DSP: variants seen among roughly 807,000 people sequenced by gnomAD.
DSP encodes the protein 250/210 kDa paraneoplastic pemphigus antigen.
Under a neutral mutation model 290.6 loss-of-function variants are expected in DSP, and 114 were observed. The ratio of observed to expected loss-of-function variants is 0.39; its 90% CI spans 0.34 to 0.46. The LOEUF (loss-of-function observed/expected upper bound fraction) is 0.46, where lower values mean the gene tolerates loss of function less well. Ranked by LOEUF, DSP falls within the 20% of genes least tolerant of loss-of-function variation. The pLI is 0.99. For missense variants in DSP, 3,230 were observed against 3,495.8 expected, an observed-to-expected ratio of 0.92 and a Z score of 1.92; for synonymous variants, 1,311 against 1,316.4, an observed-to-expected ratio of 1.00 and a Z score of 0.09.
Position 7,581,313 on chromosome 6 carries a change from C to T in DSP, c.5123C>T (p.Ser1708Phe), listed in dbSNP as rs372452104. 44 of 1,614,084 alleles carry T rather than the reference C, an allele frequency of 2.7e-5. No homozygotes were observed. Among genetic ancestry groups the T allele is most frequent in the Non-Finnish European group, 3.4e-5 (40 of 1,180,058 alleles). The change falls in exon 23 of 24, where the codon TCT (serine) becomes TTT (phenylalanine). Residue 1708 changes from serine to phenylalanine, a missense_variant. Physicochemically the swap from Ser to Phe is radical, Grantham distance 155. This residue lies in a region of DSP where 1,714 missense variants were observed against 1,844.5 expected (regional missense o/e 0.93). Coordinates refer to ENST00000379802, the MANE Select transcript of DSP (RefSeq NM_004415.4). ...ESKIEIERLQ[S>F]LTENLTKEHL... Reference sequence around the variant, plus strand: ...AAAATAGAAATTGAGAGGCTGCAGTCTCTCACAGAGAACCTGACCAAGGAG... The same window carrying T: ...AAAATAGAAATTGAGAGGCTGCAGTTTCTCACAGAGAACCTGACCAAGGAG...
intron 19 of DSP, 46 bp downstream of exon 19, chr6:7,576,502 G>C (rs1219812154): frequency 1.9e-6 from 3 of 1,610,206 alleles, no homozygotes; most frequent in Non-Finnish European, 2.5e-6. Context: ...GATTAATTGG[G>C]TGTAATTCAT....
rs573974886 is a variant in DSP, at chr6:7,558,098, G to C, written c.274-18G>C. On this transcript the variant is annotated intron_variant, in intron 2 of 23. Transcript: ENST00000379802. ...CCTGGTAGTATGTGTTTTCCTTCAT[G>C]TGAGTGTTTTCTTTCAGGAATTGAA... The C allele has an allele frequency of 3.1e-6, 5 of 1,614,204 alleles. No individual in the cohort carries two copies. Among genetic ancestry groups the C allele is most frequent in the Admixed American group, 1.7e-5 (1 of 60,030 alleles).
chr6:7,561,097 G>A (rs758632028), intron 4 of DSP, among the ~76,000 whole-genome samples: 2 of 152,016 alleles, frequency 1.3e-5, no homozygotes, highest in South Asian at 2.1e-4. Context: ...GACTACAGGC[G>A]TGTGCCACCA....
In DSP at chr6:7,580,660, C is replaced by G; in HGVS notation, c.4470C>G (p.Ile1490Met). The G allele has an allele frequency of 1.2e-6, 2 of 1,613,912 alleles. No individual in the cohort carries two copies. The highest frequency in any genetic ancestry group is 2.2e-5 in the South Asian group (2 of 91,064). Residue 1490 changes from isoleucine (I) to methionine (M), a missense_variant, in exon 23 of 24, where the codon ATC becomes ATG. Ile to Met is a conservative substitution (Grantham distance 10). This residue lies in a region of DSP where 1,714 missense variants were observed against 1,844.5 expected (regional missense o/e 0.93). Transcript: ENST00000379802. The surrounding 1 kb of genome is among the most constrained non-coding windows in gnomAD (Gnocchi z 4.2). ...AGATAGAAAGGTTAAAACAACTGAT[C>G]GACAAAGAAACAAATGACCGGAAAT... Reference protein sequence around the residue: ...NKEIERLKQLIDKETNDRKCL... With the variant: ...NKEIERLKQLMDKETNDRKCL...
At position 7,585,429 on chromosome 6, in the gene DSP, G is replaced by A; in HGVS notation, c.8167G>A (p.Gly2723Ser). 1 of 1,614,154 alleles carries A rather than the reference G, an allele frequency of 6.2e-7. No individual in the cohort carries two copies. The highest frequency in any genetic ancestry group is 8.5e-7 in the Non-Finnish European group (1 of 1,180,036). Residue 2723 changes from glycine to serine, a missense_variant, in exon 24 of 24, where the codon GGC (glycine) becomes AGC (serine). Transcript: ENST00000379802. ...AGAAAAATGGCTCCCGTATGAGGCT[G>A]GCCAGCGCTTCCTGGAGTTCCAGTA... ...VKEKWLPYEAGQRFLEFQYLT... is the reference protein window; with the variant it reads ...VKEKWLPYEASQRFLEFQYLT...
intron 1 of DSP, among the ~76,000 whole-genome samples, chr6:7,546,778 T>A (rs1261734127): frequency 6.6e-6 from 1 of 152,236 alleles, no homozygotes; most frequent in Non-Finnish European, 1.5e-5. Context: ...AGAGTTTCTA[T>A]CTGCTTAGGA....
In DSP at chr6:7,585,773, T is replaced by C. The variant is rs757475874; in HGVS notation, c.8511T>C (p.Ser2837=). The change falls in exon 24 of 24, where the codon TCT becomes TCC. Residue 2837 remains serine, a synonymous_variant. Transcript: ENST00000379802. ...SGSRSGSRSG[S]RSGSRSGSRR... ...CCCGCTCGGGATCTCGCTCCGGATC[T>C]CGCTCCGGGTCCCGCAGTGGGTCCC... 74 of 1,608,480 alleles carry C rather than the reference T, an allele frequency of 4.6e-5. No homozygotes were observed. Among genetic ancestry groups the C allele is most frequent in the Non-Finnish European group, 6.0e-5 (71 of 1,177,936 alleles).
At position 7,565,422 on chromosome 6, in the gene DSP, A is replaced by G. The variant is rs377715523; in HGVS notation, c.841A>G (p.Arg281Gly). The stretch of plus-strand genomic sequence containing the variant: ...GCAGAACATCATTCAGGCCACGTCC[A>G]GGGAGATCATGTGGATCAATGACTG... ...QLQNIIQATS[R>G]EIMWINDCEE... Residue 281 changes from arginine (R) to glycine (G), a missense_variant, in exon 7 of 24, where the codon AGG (arginine) becomes GGG (glycine). By Grantham distance (125) the Arg-to-Gly change is moderately radical. Transcript: ENST00000379802. The surrounding 1 kb of genome is among the most constrained non-coding windows in gnomAD (Gnocchi z 4.2). 6.2e-7 allele frequency: 1 copy of G among 1,614,052 alleles called. No homozygotes were observed. The highest frequency in any genetic ancestry group is 1.3e-5 in the African/African-American group (1 of 74,912).
In DSP at chr6:7,583,486, G is replaced by A. The variant is rs759000314; in HGVS notation, c.6224G>A (p.Arg2075Gln). 12 of 1,613,974 alleles carry A rather than the reference G, an allele frequency of 7.4e-6. No homozygotes were observed. The highest frequency in any genetic ancestry group is 2.7e-5 in the African/African-American group (2 of 74,872). ...EKLTVDSAIARDLIDFDDRQQ... is the reference protein window; with the variant it reads ...EKLTVDSAIAQDLIDFDDRQQ... ...CTGACTGTCGACAGTGCCATAGCTC[G>A]GGACCTCATTGACTTCGATGACCGT... is the stretch of plus-strand genomic sequence containing the variant. Residue 2075 changes from arginine (R) to glutamine (Q), a missense_variant, in exon 24 of 24, where the codon CGG becomes CAG. Physicochemically the swap from Arg to Gln is conservative, Grantham distance 43 (BLOSUM62 1). Around this residue, in one of 5 missense-constraint regions of DSP, gnomAD observed 1,714 missense variants for 1,844.5 expected, o/e 0.93. Transcript: ENST00000379802. This position sits in a 1 kb window ranked among gnomAD's most constrained non-coding sequence, Gnocchi z 4.0.
rs377507763 is a variant in DSP at position 7,559,324 on chromosome 6, G to A, written c.521G>A (p.Cys174Tyr). 1.2e-6 allele frequency: 2 copies of A among 1,613,860 alleles called. No homozygotes were observed. The highest frequency in any genetic ancestry group is 4.5e-5 in the East Asian group (2 of 44,880). ...TCCAAGGGTGGTGGAGGCTACACTT[G>A]TCAGAGTGGCTCTGGCTGGGATGAG... ...ASSKGGGGYT[C>Y]QSGSGWDEFT... Residue 174 changes from cysteine (C) to tyrosine (Y), a missense_variant, in exon 4 of 24, where the codon TGT (cysteine) becomes TAT (tyrosine). By Grantham distance (194) the Cys-to-Tyr change is radical (BLOSUM62 -2). Transcript: ENST00000379802.
chr6:7,585,504 G>A lies in DSP; in HGVS notation c.8242G>A (p.Glu2748Lys), dbSNP rs1179250325. 4 of 1,614,146 alleles carry A rather than the reference G, an allele frequency of 2.5e-6. No homozygotes were observed. The highest frequency in any genetic ancestry group is 2.2e-5 in the East Asian group (1 of 44,886). Residue 2748 changes from glutamate (E) to lysine (K), a missense_variant, in exon 24 of 24, where the codon GAA becomes AAA. Around this residue, in one of 5 missense-constraint regions of DSP, gnomAD observed 582 missense variants for 555.4 expected, o/e 1.05. Coordinates refer to ENST00000379802, the MANE Select transcript of DSP (RefSeq NM_004415.4). ...DPEVHGRIST[E>K]EAIRKGFIDG... ...GGAAGTGCATGGGAGGATAAGCACCGAAGAAGCCATCCGGAAGGGGTTCAT... is the reference window on the plus strand; with the variant it reads ...GGAAGTGCATGGGAGGATAAGCACCAAAGAAGCCATCCGGAAGGGGTTCAT...
chr6:7,578,408 T>C (rs967522639), intron 21 of DSP, 56 bp from the exon 22 acceptor site: 29 of 1,456,966 alleles, frequency 2.0e-5, no homozygotes, highest in African/African-American at 2.8e-5. Context: ...TCAAATTACA[T>C]AGGACTTTTT....
At chr6:7,577,140 T>C in intron 20 of DSP, 98 bp downstream of exon 20, 1 of 908,986 alleles carries the variant, frequency 1.1e-6, no homozygotes, top group South Asian at 1.8e-5. Flanking sequence ...TTCCTGAGGA[T>C]AGCAATTACG....
intron 11 of DSP, among the ~76,000 whole-genome samples, chr6:7,568,899 T>C (rs1758945683): frequency 6.6e-6 from 1 of 152,230 alleles, no homozygotes; most frequent in Admixed American, 6.5e-5. Context: ...AAATGAGAAA[T>C]GATGCTTTTA....
Position 7,586,095 on chromosome 6 carries a change from C to T in DSP, c.*217C>T, listed in dbSNP as rs1046379269. 5.4e-6 allele frequency: 3 copies of T among 555,842 alleles called. No individual in the cohort carries two copies. The highest frequency in any genetic ancestry group is 6.3e-6 in the Non-Finnish European group (2 of 316,836). The allele number at this position is 555,842 out of a possible 1,614,324, so 34.4% of individuals were successfully genotyped here. On this transcript the variant is annotated 3_prime_UTR_variant, in exon 24 of 24. Transcript: ENST00000379802. ...ATAAGCAGTACACTTGGATGCAGTG[C>T]GTCTGAAGTGCTAATCAGTTGTAAC...
Position 7,585,978 on chromosome 6 carries a change from A to G in DSP, c.*100A>G, listed in dbSNP as rs1056001676. 8.3e-7 allele frequency: 1 copy of G among 1,206,098 alleles called. No individual in the cohort carries two copies. Among genetic ancestry groups the G allele is most frequent in the African/African-American group, 1.5e-5 (1 of 66,664 alleles). 74.7% of individuals were successfully genotyped at this position (1,206,098 alleles called of 1,614,324 possible). Reference sequence around the variant, plus strand: ...AAATCCCGGTGCTTGCAGTAGAGTGATAGGACATTCTATGCTTACAGAAAA... The same window carrying G: ...AAATCCCGGTGCTTGCAGTAGAGTGGTAGGACATTCTATGCTTACAGAAAA... On this transcript the variant is annotated 3_prime_UTR_variant, in exon 24 of 24. Coordinates refer to ENST00000379802, the MANE Select transcript of DSP (RefSeq NM_004415.4).
chr6:7,545,072 T>A (rs1402896632), intron 1 of DSP, among the ~76,000 whole-genome samples: 1 of 152,194 alleles, frequency 6.6e-6, no homozygotes, highest in Non-Finnish European at 1.5e-5. Flanking sequence ...GTTAGATCTT[T>A]CTTTCACCCA....
intron 1 of DSP, among the ~76,000 whole-genome samples, chr6:7,546,994 G>GCTCC (rs1758188090): frequency 6.6e-6 from 1 of 152,172 alleles, no homozygotes; most frequent in Non-Finnish European, 1.5e-5. Context: ...GAGCAAAGGA[G>GCTCC]GGCTTGGGTG....
At position 7,541,897 on chromosome 6, in the gene DSP, C is replaced by G. The variant is rs1346330692; in HGVS notation, c.-19C>G. On this transcript the variant is annotated 5_prime_UTR_variant, in exon 1 of 24. Coordinates refer to ENST00000379802, the MANE Select transcript of DSP (RefSeq NM_004415.4). ...GCTTATGCCTCGGCGCTGAGCCGCT[C>G]TCCCGATTGCCCGCCGACATGAGCT... The G allele has an allele frequency of 1.2e-6, 2 of 1,602,528 alleles. No homozygotes were observed. The highest frequency in any genetic ancestry group is 1.7e-6 in the Non-Finnish European group (2 of 1,176,800).
Sources: gnomAD v4.1 joint callset for allele counts (sites outside exome capture counted in the v4.1 genomes callset) on GRCh38, gnomAD v4.1.1 for gene constraint, gnomAD v4.1.1 regional missense constraint, Gnocchi (gnomAD v3.1) non-coding constraint, MANE v1.5 for transcripts, NCBI Gene and HGNC (gene_info 2026-07-23, HGNC 2026-07-21) for gene names.